The following BCAS3 variants were observed in gnomAD, a reference collection of about 807,000 sequenced individuals.
BCAS3 encodes the protein BCAS3 microtubule associated cell migration factor, also known as BCAS4/BCAS3 fusion.
Under a neutral mutation model 116.1 loss-of-function variants are expected in BCAS3, and 53 were observed. The observed-to-expected ratio is 0.46, with a 90% CI of 0.37 to 0.57. The LOEUF is 0.57. Among genes scored for constraint, BCAS3 ranks in the 20% least tolerant of loss-of-function variants. The probability of loss-of-function intolerance (pLI) is 0.00; values close to 1 mark genes in which losing one functional copy is unlikely to be tolerated. For synonymous variants in BCAS3, 391 were observed against 408.2 expected (o/e 0.96, Z 0.51); for missense variants, 917 against 1,165.4 (o/e 0.79, Z 3.10).
At chr17:60,779,718 T>C (rs769999101) in intron 6 of BCAS3, among the ~76,000 whole-genome samples, 67 of 152,292 alleles carry the variant, frequency 4.4e-4, no homozygotes, top group South Asian at 2.9e-3. Flanking sequence ...ATTATGTATA[T>C]GTAAATATTC....
chr17:60,757,396 G>GTA (rs1274548428), intron 6 of BCAS3, among the ~76,000 whole-genome samples: 1 of 119,882 alleles, frequency 8.3e-6, no homozygotes, highest in Non-Finnish European at 1.8e-5. Flanking sequence ...GCATGTATAT[G>GTA]TGTGTGTGTG....
At chr17:60,768,534 C>T (rs940352142) in intron 6 of BCAS3, among the ~76,000 whole-genome samples, 19 of 152,338 alleles carry the variant, frequency 1.2e-4, no homozygotes, top group African/African-American at 4.6e-4. Context: ...CCTTTCTTCT[C>T]ACCTTGCAGA....
At chr17:60,770,131 G>A (rs1056508200) in intron 6 of BCAS3, among the ~76,000 whole-genome samples, 2 of 152,008 alleles carry the variant, frequency 1.3e-5, no homozygotes, top group Non-Finnish European at 2.9e-5. Flanking sequence ...AAAGCCTGTG[G>A]GAGTTCAAGT....
intron 5 of BCAS3, among the ~76,000 whole-genome samples, chr17:60,733,422 A>G (rs561099335): frequency 6.1e-4 from 93 of 152,306 alleles, no homozygotes; most frequent in African/African-American, 2.2e-3. Context: ...GTGAAATTAG[A>G]GCAGTTACTA....
At chr17:60,740,149 C>T (rs926823858) in intron 5 of BCAS3, among the ~76,000 whole-genome samples, 1 of 151,940 alleles carries the variant, frequency 6.6e-6, no homozygotes, top group East Asian at 1.9e-4. Context: ...CTTGTTGAGT[C>T]TCTTCAGATT....
rs1036826713 is a variant in BCAS3, at chr17:61,365,443, C to T, written c.2426-2884C>T. 2.0e-5 allele frequency among the ~76,000 whole-genome samples: 3 copies of T among 152,294 alleles called. No homozygotes were observed. The highest frequency in any genetic ancestry group is 6.5e-5 in the Admixed American group (1 of 15,314). ...CTGCCTCCCAGGTTCAAATGATTCT[C>T]CTGCCTCAGCCTCTCGAGTAGCTGG... On this transcript the variant is annotated intron_variant, in intron 22 of 23. Coordinates refer to ENST00000407086, the MANE Select transcript of BCAS3 (RefSeq NM_017679.5). The surrounding 1 kb of genome is among the most constrained non-coding windows in gnomAD (Gnocchi z 4.6).
chr17:61,347,125 A>C lies in BCAS3; in HGVS notation c.2426-21202A>C, dbSNP rs781175764. 1.3e-4 allele frequency among the ~76,000 whole-genome samples: 20 copies of C among 152,130 alleles called. No individual in the cohort carries two copies. Among genetic ancestry groups the C allele is most frequent in the Non-Finnish European group, 2.1e-4 (14 of 68,024 alleles). ...AGTCTTGCTCTGTCACCCAGGCTGG[A>C]GTGCAGTGGTGCAATCTCAGCTCAC... On this transcript the variant is annotated intron_variant, in intron 22 of 23. Transcript: ENST00000407086. This position sits in a 1 kb window ranked among gnomAD's most constrained non-coding sequence, Gnocchi z 4.3.
rs35888828 is a variant in BCAS3 at position 61,235,700 on chromosome 17, TA to T, written c.2426-132613del. Reference sequence around the variant, plus strand: ...TTGGAAAGAAGACTTTTGAATTGTTTAAAAAAAAAAAAAAGGAGAAGAAGGA... The same window carrying T: ...TTGGAAAGAAGACTTTTGAATTGTTTAAAAAAAAAAAAAGGAGAAGAAGGA... On this transcript the variant is annotated intron_variant, in intron 22 of 23. Coordinates refer to ENST00000407086, the MANE Select transcript of BCAS3 (RefSeq NM_017679.5). This position sits in a 1 kb window ranked among gnomAD's most constrained non-coding sequence, Gnocchi z 5.0. Among the ~76,000 whole-genome samples, 305 of 142,506 alleles carry T rather than the reference TA, an allele frequency of 2.1e-3. 1 individual carries two copies. Among genetic ancestry groups the T allele is most frequent in the African/African-American group, 6.8e-3 (262 of 38,562 alleles). The allele number at this position is 142,506 out of a possible 152,430, so 93.5% of individuals were successfully genotyped here. A position where few individuals can be genotyped will look rare whatever the true frequency, so the allele number is the denominator to read the frequency against.
rs548923402 is a variant in BCAS3 at position 61,231,146 on chromosome 17, T to G, written c.2426-137181T>G. Among the ~76,000 whole-genome samples the G allele has an allele frequency of 1.0e-3, 153 of 152,242 alleles. No homozygotes were observed. In the Middle Eastern group the frequency reaches 0.014, roughly 14 times the overall value. On this transcript the variant is annotated intron_variant, in intron 22 of 23. Transcript: ENST00000407086. ...CCGTTCTGACTGGTGTGAGATTATA[T>G]CTGATTGTGGTTTTTGATTTGCATT... is the stretch of plus-strand genomic sequence containing the variant.
At chr17:60,818,935 G>T (rs1159784854) in intron 7 of BCAS3, among the ~76,000 whole-genome samples, 1 of 152,004 alleles carries the variant, frequency 6.6e-6, no homozygotes, top group African/African-American at 2.4e-5. Context: ...TGGGGCTCTG[G>T]GCTTTAGTAT....
At chr17:61,179,740 C>T (rs905141900) in intron 22 of BCAS3, among the ~76,000 whole-genome samples, 6 of 152,108 alleles carry the variant, frequency 3.9e-5, no homozygotes, top group Admixed American at 3.9e-4. Flanking sequence ...GAAAGAAAAG[C>T]AGAAAGACCG....
intron 22 of BCAS3, among the ~76,000 whole-genome samples, chr17:61,341,312 G>T (rs1160013493): frequency 2.0e-5 from 3 of 152,238 alleles, no homozygotes; most frequent in African/African-American, 7.2e-5. Context: ...ATGAGAGAGA[G>T]AAGTCAGCCA....
chr17:61,097,698 A>G lies in BCAS3; in HGVS notation c.2425+13134A>G, dbSNP rs1332168709. Among the ~76,000 whole-genome samples the G allele has an allele frequency of 6.6e-6, 1 of 152,216 alleles. No homozygotes were observed. Among genetic ancestry groups the G allele is most frequent in the Non-Finnish European group, 1.5e-5 (1 of 68,034 alleles). ...ACAGTTAGGTGCCCAACACTGTGCTAGGTCTTGCCACATGTCTCATCTCAT... is the reference window on the plus strand; with the variant it reads ...ACAGTTAGGTGCCCAACACTGTGCTGGGTCTTGCCACATGTCTCATCTCAT... On this transcript the variant is annotated intron_variant, in intron 22 of 23. Coordinates refer to ENST00000407086, the MANE Select transcript of BCAS3 (RefSeq NM_017679.5). The surrounding 1 kb of genome is among the most constrained non-coding windows in gnomAD (Gnocchi z 4.0).
intron 7 of BCAS3, chr17:60,851,497 A>G: frequency 7.0e-6 from 4 of 567,854 alleles, no homozygotes; most frequent in East Asian, 4.3e-5. Flanking sequence ...AAGCCGAAAA[A>G]GGCAGCAGCA....
chr17:61,356,087 C>T lies in BCAS3; in HGVS notation c.2426-12240C>T, dbSNP rs1484553566. 6.6e-6 allele frequency among the ~76,000 whole-genome samples: 1 copy of T among 152,180 alleles called. No individual in the cohort carries two copies. Among genetic ancestry groups the T allele is most frequent in the Non-Finnish European group, 1.5e-5 (1 of 68,030 alleles). The stretch of plus-strand genomic sequence containing the variant: ...TCGGCCCACTGCAACCTCCGCCTCC[C>T]GGGTTCAAGTGATTCTCCTGCCTCA... On this transcript the variant is annotated intron_variant, in intron 22 of 23. Transcript: ENST00000407086. The surrounding 1 kb of genome is among the most constrained non-coding windows in gnomAD (Gnocchi z 5.4).
At chr17:60,867,822 T>G (rs910509666) in intron 7 of BCAS3, among the ~76,000 whole-genome samples, 1 of 152,200 alleles carries the variant, frequency 6.6e-6, no homozygotes, top group African/African-American at 2.4e-5. Context: ...GAAGTTATGA[T>G]AATAAGCATT....
At chr17:60,861,495 C>CTGAT (rs763533141) in intron 7 of BCAS3, among the ~76,000 whole-genome samples, 76 of 152,070 alleles carry the variant, frequency 5.0e-4, no homozygotes, top group Non-Finnish European at 7.2e-4. Context: ...TTTCTCTTTC[C>CTGAT]TGATTGCTCT....
Position 61,349,741 on chromosome 17 carries a change from A to G in BCAS3, c.2426-18586A>G, listed in dbSNP as rs906784752. On this transcript the variant is annotated intron_variant, in intron 22 of 23. Transcript: ENST00000407086. The surrounding 1 kb of genome is among the most constrained non-coding windows in gnomAD (Gnocchi z 4.7). ...GAAAGAGCTAACTCTACTTTTTTAT[A>G]TATTTAAGACCTAACACTGCTTCAT... 6.6e-6 allele frequency among the ~76,000 whole-genome samples: 1 copy of G among 152,192 alleles called. No individual in the cohort carries two copies. The highest frequency in any genetic ancestry group is 1.5e-5 in the Non-Finnish European group (1 of 68,036).
intron 22 of BCAS3, among the ~76,000 whole-genome samples, chr17:61,311,053 G>A (rs2054267170): frequency 6.6e-6 from 1 of 152,086 alleles, no homozygotes; most frequent in African/African-American, 2.4e-5. Context: ...TACATCCTCG[G>A]GTTCCTGTGA....
Sources: gnomAD v4.1 joint callset for allele counts (sites outside exome capture counted in the v4.1 genomes callset) on GRCh38, gnomAD v4.1.1 for gene constraint, Gnocchi (gnomAD v3.1) non-coding constraint, MANE v1.5 for transcripts, NCBI Gene and HGNC (gene_info 2026-07-23, HGNC 2026-07-21) for gene names.